Variants in PROM1 observed in about 807,000 individuals in gnomAD.
PROM1 encodes prominin-1.
In PROM1, 105 loss-of-function variants were observed where a neutral mutation model predicts 116.9. That is an observed-to-expected ratio of 0.90 (90% CI 0.77 to 1.06). PROM1 has a LOEUF of 1.06. PROM1 is among the 50% of genes least tolerant of loss of function. The pLI is 0.00. For missense variants in PROM1, 1,122 were observed against 1,045.2 expected (o/e 1.07, Z -1.01); for synonymous variants, 393 against 387.0 (o/e 1.02, Z -0.18).
At position 16,018,317 on chromosome 4, in the gene PROM1, G is replaced by A. The variant is rs1338456600; in HGVS notation, c.1002+6C>T. 10 of 1,612,060 alleles carry A rather than the reference G, an allele frequency of 6.2e-6. No homozygotes were observed. Among genetic ancestry groups the A allele is most frequent in the Non-Finnish European group, 8.5e-6 (10 of 1,179,480 alleles). On this transcript the variant is annotated splice_donor_region_variant and intron_variant, in intron 9 of 27. Coordinates refer to ENST00000447510, the MANE Select transcript of PROM1 (RefSeq NM_006017.3). ...CCTTGACCATGGCAAGCTCATGCCT[G>A]CTCACCTGCCTCAGTTCAGGGTTGC... is the stretch of plus-strand genomic sequence containing the variant.
At chr4:16,022,345 G>A (rs1191270205) in intron 8 of PROM1, among the ~76,000 whole-genome samples, 1 of 152,184 alleles carries the variant, frequency 6.6e-6, no homozygotes, top group Non-Finnish European at 1.5e-5. Context: ...AACAGAGGAT[G>A]TTGTTCGTGA....
intron 17 of PROM1, 50 bp downstream of exon 17, chr4:15,992,198 T>G (rs768538519): frequency 6.3e-7 from 1 of 1,597,258 alleles, no homozygotes; most frequent in Non-Finnish European, 8.5e-7. Context: ...AATACACATC[T>G]GACACTTTAA....
intron 2 of PROM1, among the ~76,000 whole-genome samples, chr4:16,044,080 G>A (rs888710650): frequency 2.6e-5 from 4 of 152,182 alleles, no homozygotes; most frequent in South Asian, 2.1e-4. Flanking sequence ...GTATGTGTGC[G>A]ATTTATGAGT....
intron 15 of PROM1, among the ~76,000 whole-genome samples, chr4:15,997,674 A>G (rs1722673636): frequency 6.6e-6 from 1 of 152,144 alleles, no homozygotes; most frequent in African/African-American, 2.4e-5. Context: ...CATATTGGTC[A>G]GTCTGGTCTC....
intron 2 of PROM1, among the ~76,000 whole-genome samples, chr4:16,063,906 G>C (rs1257713123): frequency 6.6e-6 from 1 of 152,084 alleles, no homozygotes. Context: ...GGTAGAACCA[G>C]AGTAAGACTG....
At chr4:16,029,290 T>C (rs1223241101) in intron 5 of PROM1, among the ~76,000 whole-genome samples, 2 of 151,824 alleles carry the variant, frequency 1.3e-5, no homozygotes, top group Non-Finnish European at 2.9e-5. Context: ...CAATTCACCA[T>C]GGGAATTATT....
chr4:16,000,433 A>G (rs986416853), intron 14 of PROM1, 63 bp downstream of exon 14: 2 of 1,436,622 alleles, frequency 1.4e-6, no homozygotes, highest in Non-Finnish European at 1.9e-6. Context: ...GTAATGCACA[A>G]TATATGAAGA....
chr4:16,001,080 C>T (rs912023350), intron 13 of PROM1, among the ~76,000 whole-genome samples: 8 of 152,190 alleles, frequency 5.3e-5, no homozygotes, highest in Non-Finnish European at 1.2e-4. Context: ...GACATCATTG[C>T]AGAGGCTGTT....
intron 1 of PROM1, among the ~76,000 whole-genome samples, chr4:16,077,041 G>C (rs1185673396): frequency 6.6e-6 from 1 of 152,222 alleles, no homozygotes; most frequent in Admixed American, 6.5e-5. Flanking sequence ...ATATGGCCTC[G>C]TGGGAAGGGA....
At chr4:15,996,131 A>C (rs914449204) in intron 15 of PROM1, among the ~76,000 whole-genome samples, 23 of 152,268 alleles carry the variant, frequency 1.5e-4, no homozygotes, top group Non-Finnish European at 5.9e-5. Flanking sequence ...CTTGGCATAC[A>C]GAAAGCACCA....
At chr4:16,014,374 C>G (rs1287049979) in intron 10 of PROM1, among the ~76,000 whole-genome samples, 2 of 152,180 alleles carry the variant, frequency 1.3e-5, no homozygotes, top group African/African-American at 4.8e-5. Flanking sequence ...TCTGGACTTG[C>G]AGATGTCATG....
In PROM1 at chr4:16,013,299, G is replaced by A. The variant is rs137853006; in HGVS notation, c.1117C>T (p.Arg373Cys). The change falls in exon 11 of 28, where the codon CGC (arginine) becomes TGC (cysteine). Residue 373 changes from arginine to cysteine, a missense_variant. Arg to Cys is a radical substitution (Grantham distance 180, BLOSUM62 -3). Transcript: ENST00000447510. Reference protein sequence around the residue: ...SLNDIPDRVQRQTTTVVAGIK... With the variant: ...SLNDIPDRVQCQTTTVVAGIK... ...CCTGCTACGACAGTCGTGGTTTGGCGTTGTACTCTGTCAGGTATATCATTA... is the reference window on the plus strand; with the variant it reads ...CCTGCTACGACAGTCGTGGTTTGGCATTGTACTCTGTCAGGTATATCATTA... 2 of 1,609,186 alleles carry A rather than the reference G, an allele frequency of 1.2e-6. No homozygotes were observed. Among genetic ancestry groups the A allele is most frequent in the Non-Finnish European group, 8.5e-7 (1 of 1,175,578 alleles).
chr4:16,033,697 C>A (rs375700400), intron 4 of PROM1, among the ~76,000 whole-genome samples, 188 bp from the exon 5 acceptor site: 2 of 142,536 alleles, frequency 1.4e-5, no homozygotes, highest in East Asian at 2.1e-4. Flanking sequence ...TCAAGCGATT[C>A]TTGGGCCTCA....
chr4:16,036,221 T>C (rs1196889881), intron 3 of PROM1, among the ~76,000 whole-genome samples: 1 of 152,214 alleles, frequency 6.6e-6, no homozygotes, highest in African/African-American at 2.4e-5. Context: ...TCCCACCATT[T>C]TTATTCCAAA....
At chr4:16,029,460 T>C (rs1732144260) in intron 5 of PROM1, among the ~76,000 whole-genome samples, 1 of 151,844 alleles carries the variant, frequency 6.6e-6, no homozygotes, top group South Asian at 2.1e-4. Flanking sequence ...GTAAGACACA[T>C]CTGCTTAACA....
rs777036344 is a variant in PROM1 at position 16,018,445 on chromosome 4, C to T, written c.880G>A (p.Val294Met). 46 of 1,613,634 alleles carry T rather than the reference C, an allele frequency of 2.9e-5. No homozygotes were observed. The highest frequency in any genetic ancestry group is 5.3e-5 in the African/African-American group (4 of 74,914). The change falls in exon 9 of 28, where the codon GTG (valine) becomes ATG (methionine). Residue 294 changes from valine to methionine, a missense_variant. Transcript: ENST00000447510. The part of the protein sequence containing the change: ...STQLSSSLTS[V>M]KTSLRSSLND... ...AGAGATGACCGCAGGCTAGTTTTCA[C>T]GCTGGTCAGACTGCTGCTAAGCTGT...
At position 16,033,459 on chromosome 4, in the gene PROM1, C is replaced by A. The variant is rs1733226917; in HGVS notation, c.354G>T (p.Leu118=). Residue 118 remains leucine, a synonymous_variant, in exon 5 of 28, where the codon CTG becomes CTT. Transcript: ENST00000447510. ...CCACCAGAGGCATCAGAATAATAAACAGCAGCCCCAGGACACAGCATAGAA... is the reference window on the plus strand; with the variant it reads ...CCACCAGAGGCATCAGAATAATAAAAAGCAGCCCCAGGACACAGCATAGAA... ...GIILCCVLGL[L]FIILMPLVGY... The A allele has an allele frequency of 6.2e-7, 1 of 1,612,738 alleles. No homozygotes were observed. Among genetic ancestry groups the A allele is most frequent in the African/African-American group, 1.3e-5 (1 of 74,886 alleles).
intron 26 of PROM1, 75 bp downstream of exon 26, chr4:15,979,320 A>G: frequency 6.2e-7 from 1 of 1,604,330 alleles, no homozygotes; most frequent in Non-Finnish European, 8.5e-7. Flanking sequence ...CAGCATGCAG[A>G]AAATTCAGTG....
chr4:15,979,756 C>A, intron 25 of PROM1, 125 bp downstream of exon 25: 1 of 994,388 alleles, frequency 1.0e-6, no homozygotes, highest in South Asian at 1.6e-5. Context: ...TTATTTTTGC[C>A]TGTACAGATC....
Sources: gnomAD v4.1 joint callset for allele counts (sites outside exome capture counted in the v4.1 genomes callset) on GRCh38, gnomAD v4.1.1 for gene constraint, MANE v1.5 for transcripts, NCBI Gene and HGNC (gene_info 2026-07-23, HGNC 2026-07-21) for gene names.